Variants in LAMC3 observed in about 807,000 individuals in gnomAD.
The protein encoded by LAMC3 is laminin subunit gamma 3.
LAMC3 carries 128 observed loss-of-function variants against 173.8 expected under a neutral mutation model. That is an observed-to-expected ratio of 0.74 (90% CI 0.64 to 0.85). The LOEUF (loss-of-function observed/expected upper bound fraction) is 0.85. LAMC3 is among the 40% of genes least tolerant of loss of function. The pLI, the probability that LAMC3 is intolerant of heterozygous loss-of-function variation, is 0.00. For synonymous variants in LAMC3, 897 were observed against 909.1 expected, an observed-to-expected ratio of 0.99 and a Z score of 0.24; for missense variants, 2,022 against 2,156.0, an observed-to-expected ratio of 0.94 and a Z score of 1.23.
Position 131,048,892 on chromosome 9 carries a change from G to A in LAMC3, c.1520-128G>A, listed in dbSNP as rs531928779. 2.5e-4 allele frequency: 151 copies of A among 612,512 alleles called. 3 individuals are homozygous for A. Among genetic ancestry groups the A allele is most frequent in the South Asian group, 2.0e-3 (97 of 48,808 alleles). 37.9% of individuals were successfully genotyped at this position (612,512 alleles called of 1,614,324 possible). On this transcript the variant is annotated intron_variant, in intron 8 of 27. Coordinates refer to ENST00000361069, the MANE Select transcript of LAMC3 (RefSeq NM_006059.4). The stretch of plus-strand genomic sequence containing the variant: ...TCTGACCATGCCCCCAAGCAGATCC[G>A]GGTCCCTGAGCTTTCTAGCTTCTCC...
intron 9 of LAMC3, among the ~76,000 whole-genome samples, chr9:131,051,367 T>TTC (rs1834283708): frequency 9.7e-6 from 1 of 103,604 alleles, no homozygotes; most frequent in African/African-American, 2.7e-5. Context: ...TTACCATTCT[T>TTC]TTTTTTTTTT....
In LAMC3 at chr9:131,073,144, C is replaced by T. The variant is rs191565669; in HGVS notation, c.3418-101C>T. On this transcript the variant is annotated intron_variant, in intron 19 of 27. Coordinates refer to ENST00000361069, the MANE Select transcript of LAMC3 (RefSeq NM_006059.4). ...TGGCCAGCTTTGTGCATTTATAAAA[C>T]GACGGGTGCCATCCAGTTCTGCCTC... 622 of 928,098 alleles carry T rather than the reference C, an allele frequency of 6.7e-4. 3 individuals are homozygous for T. The African/African-American group carries it at 7.5e-3, about 11-fold the overall frequency. 57.5% of individuals were successfully genotyped at this position (928,098 alleles called of 1,614,324 possible). A position where few individuals can be genotyped will look rare whatever the true frequency, so the allele number is the denominator to read the frequency against.
intron 23 of LAMC3, among the ~76,000 whole-genome samples, chr9:131,081,465 T>TCCCCCCCCCC (rs60313626): frequency 2.5e-4 from 28 of 113,466 alleles, no homozygotes; most frequent in Non-Finnish European, 3.6e-4. Flanking sequence ...CTCCCTCCCT[T>TCCCCCCCCCC]CCTTCCTTTC....
At chr9:131,038,157 C>T (rs1384361622) in intron 4 of LAMC3, among the ~76,000 whole-genome samples, 4 of 152,340 alleles carry the variant, frequency 2.6e-5, no homozygotes, top group South Asian at 4.1e-4. Context: ...TCAGATTCAG[C>T]GCGGCCATGA....
intron 2 of LAMC3, among the ~76,000 whole-genome samples, chr9:131,031,126 C>A (rs192725589): frequency 6.6e-6 from 1 of 152,358 alleles, no homozygotes; most frequent in South Asian, 2.1e-4. Context: ...GGAGGGCCGT[C>A]GGCCTGAGTC....
chr9:131,054,010 AAAAAAACAAAAC>A (rs1334374370), intron 11 of LAMC3, among the ~76,000 whole-genome samples: 1 of 145,710 alleles, frequency 6.9e-6, no homozygotes, highest in African/African-American at 2.4e-5. Flanking sequence ...CTCTAAAAAA[AAAAAAACAAAAC>A]AAAAAACAAA....
At chr9:131,047,897 A>AT (rs1473391700) in intron 8 of LAMC3, among the ~76,000 whole-genome samples, 1 of 145,758 alleles carries the variant, frequency 6.9e-6, no homozygotes, top group Non-Finnish European at 1.5e-5. Flanking sequence ...TTAAATTTTT[A>AT]TTATTTTTAT....
At position 131,029,105 on chromosome 9, in the gene LAMC3, A is replaced by G. The variant is rs1195282761; in HGVS notation, c.678+2516A>G. On this transcript the variant is annotated intron_variant, in intron 2 of 27. Transcript: ENST00000361069. The surrounding 1 kb of genome is among the most constrained non-coding windows in gnomAD (Gnocchi z 4.6). The stretch of plus-strand genomic sequence containing the variant: ...ACCGCAAATCACATCATCCGCATAG[A>G]CTACCTAGTGTGGCCCAAGGGAAGA... Among the ~76,000 whole-genome samples, 1 of 152,116 alleles carries G rather than the reference A, an allele frequency of 6.6e-6. No individual in the cohort carries two copies. Among genetic ancestry groups the G allele is most frequent in the Non-Finnish European group, 1.5e-5 (1 of 68,022 alleles).
chr9:131,072,814 A>G lies in LAMC3; in HGVS notation c.3396A>G (p.Ala1132=). 6.2e-7 allele frequency: 1 copy of G among 1,612,310 alleles called. No homozygotes were observed. Among genetic ancestry groups the G allele is most frequent in the East Asian group, 2.2e-5 (1 of 44,850 alleles). The change falls in exon 19 of 28, where the codon GCA becomes GCG. Residue 1132 remains alanine, a synonymous_variant. Coordinates refer to ENST00000361069, the MANE Select transcript of LAMC3 (RefSeq NM_006059.4). ...CCTCGGAAGAGGAGATTCTGCATGC[A>G]GCTGCCATTCTCGCGTCTCTGGTAT... ...LESSEEEILH[A]AAILASLEIP...
At chr9:131,040,851 C>T (rs1200014022) in intron 6 of LAMC3, among the ~76,000 whole-genome samples, 1 of 152,218 alleles carries the variant, frequency 6.6e-6, no homozygotes, top group East Asian at 1.9e-4. Context: ...GCCTCTCGTA[C>T]ATCTCCCACA....
rs1162970701 is a variant in LAMC3, at chr9:131,077,189, A to G, written c.3632A>G (p.Tyr1211Cys). The G allele has an allele frequency of 4.3e-6, 7 of 1,613,396 alleles. No individual in the cohort carries two copies. Among genetic ancestry groups the G allele is most frequent in the Non-Finnish European group, 5.9e-6 (7 of 1,180,016 alleles). ...LETQRDLEDR[Y>C]QEVQAAQKAL... ...CCGTGGCCTCTGCTTCCTCCCAGGT[A>G]CCAGGAGGTCCAGGCGGCCCAGAAA... Residue 1211 changes from tyrosine to cysteine, a missense_variant and splice_region_variant, in exon 22 of 28, where the codon TAC (tyrosine) becomes TGC (cysteine). Physicochemically the swap from Tyr to Cys is radical, Grantham distance 194 (BLOSUM62 -2). Coordinates refer to ENST00000361069, the MANE Select transcript of LAMC3 (RefSeq NM_006059.4).
At chr9:131,035,139 T>G (rs997141316) in intron 3 of LAMC3, among the ~76,000 whole-genome samples, 3 of 152,094 alleles carry the variant, frequency 2.0e-5, no homozygotes, top group Non-Finnish European at 4.4e-5. Context: ...TAGTAGAGAC[T>G]GGGTTTCTCC....
At position 131,052,875 on chromosome 9, in the gene LAMC3, G is replaced by A; in HGVS notation, c.1849G>A (p.Ala617Thr). 11 of 1,613,746 alleles carry A rather than the reference G, an allele frequency of 6.8e-6. No homozygotes were observed. Among genetic ancestry groups the A allele is most frequent in the Non-Finnish European group, 8.5e-6 (10 of 1,179,866 alleles). Residue 617 changes from alanine (A) to threonine (T), a missense_variant, in exon 11 of 28, where the codon GCC becomes ACC. Coordinates refer to ENST00000361069, the MANE Select transcript of LAMC3 (RefSeq NM_006059.4). ...CCTGCAGGAGACCTCCGAGGACGTG[G>A]CCCCTCCACTGCCCCCCTTCCACTT... is the stretch of plus-strand genomic sequence containing the variant. ...FHLQETSEDV[A>T]PPLPPFHFQR... is the part of the protein sequence containing the mutation.
At chr9:131,017,599 G>A (rs1434285782) in intron 1 of LAMC3, among the ~76,000 whole-genome samples, 4 of 150,376 alleles carry the variant, frequency 2.7e-5, no homozygotes, top group African/African-American at 9.8e-5. Context: ...TGTGTTGGGC[G>A]CCTGTAATCC....
intron 3 of LAMC3, among the ~76,000 whole-genome samples, chr9:131,034,396 G>T (rs900359589): frequency 6.6e-6 from 1 of 152,226 alleles, no homozygotes; most frequent in Non-Finnish European, 1.5e-5. Flanking sequence ...GCCGTGCTAC[G>T]TGCCCTACCA....
At chr9:131,012,499 G>C (rs895310046) in intron 1 of LAMC3, among the ~76,000 whole-genome samples, 2 of 152,220 alleles carry the variant, frequency 1.3e-5, no homozygotes, top group Admixed American at 6.5e-5. Context: ...AGAAATGCTC[G>C]TCCCGGCCGC....
chr9:131,064,706 T>G (rs1305815415), intron 13 of LAMC3, among the ~76,000 whole-genome samples: 5 of 149,782 alleles, frequency 3.3e-5, no homozygotes, highest in Non-Finnish European at 7.4e-5. Flanking sequence ...ATTGTAATGT[T>G]GGAGCAGTGT....
chr9:131,043,960 C>CT (rs71389386), intron 7 of LAMC3, among the ~76,000 whole-genome samples: 47,920 of 133,914 alleles, frequency 0.36, 8,709 homozygotes, highest in Non-Finnish European at 0.38. Flanking sequence ...TGACTTGCTG[C>CT]TTTTTTTTTT....
Position 131,009,535 on chromosome 9 carries a change from C to T in LAMC3, c.321C>T (p.Ser107=). 6.4e-7 allele frequency: 1 copy of T among 1,564,252 alleles called. No homozygotes were observed. The highest frequency in any genetic ancestry group is 8.7e-7 in the Non-Finnish European group (1 of 1,154,852). Residue 107 remains serine, a synonymous_variant, in exon 1 of 28, where the codon TCC becomes TCT. Transcript: ENST00000361069. This position sits in a 1 kb window ranked among gnomAD's most constrained non-coding sequence, Gnocchi z 4.3. ...AGAGCACCTGGTGGCAGAGCCCGTCCATGGCCTTCGGCGTGCAGTACCCCA... is the reference window on the plus strand; with the variant it reads ...AGAGCACCTGGTGGCAGAGCCCGTCTATGGCCTTCGGCGTGCAGTACCCCA... ...QDESTWWQSP[S]MAFGVQYPTS...
Sources: allele counts gnomAD v4.1 joint callset (sites outside exome capture counted in the v4.1 genomes callset), GRCh38; gene constraint gnomAD v4.1.1; non-coding constraint Gnocchi (gnomAD v3.1); transcripts MANE v1.5; gene names NCBI Gene and HGNC (gene_info 2026-07-23, HGNC 2026-07-21).